The following EXOC4 variants were observed in gnomAD, a reference collection of about 807,000 sequenced individuals.
EXOC4 encodes the protein exocyst complex component 4, also known as SEC8-like 1.
In EXOC4, 71 loss-of-function variants were observed where a neutral mutation model predicts 107.2. The ratio of observed to expected loss-of-function variants is 0.66; its 90% CI spans 0.55 to 0.81. The LOEUF (loss-of-function observed/expected upper bound fraction) is 0.81, where lower values mean the gene tolerates loss of function less well. Among genes scored for constraint, EXOC4 ranks in the 30% least tolerant of loss-of-function variants. The pLI is 0.00. For synonymous variants in EXOC4, 456 were observed against 441.2 expected, an observed-to-expected ratio of 1.03 and a Z score of -0.42; for missense variants, 1,108 against 1,189.6, an observed-to-expected ratio of 0.93 and a Z score of 1.01.
chr7:133,864,792 G>C (rs193187605), intron 11 of EXOC4, among the ~76,000 whole-genome samples: 34 of 152,272 alleles, frequency 2.2e-4, no homozygotes, highest in Middle Eastern at 6.8e-3. Context: ...GTGAAAAAAT[G>C]CAGTAGTGAG....
At chr7:133,924,017 G>A (rs1469064759) in intron 13 of EXOC4, among the ~76,000 whole-genome samples, 3 of 151,844 alleles carry the variant, frequency 2.0e-5, no homozygotes, top group African/African-American at 7.3e-5. Flanking sequence ...ATCAAGACAG[G>A]TAAAGAATGA....
chr7:133,348,844 G>A (rs1019960590), intron 5 of EXOC4, among the ~76,000 whole-genome samples: 5 of 152,082 alleles, frequency 3.3e-5, no homozygotes, highest in African/African-American at 7.2e-5. Flanking sequence ...TCAGAGTTGC[G>A]TTGTCATCTT....
chr7:133,985,595 T>C (rs1794095547), intron 14 of EXOC4, among the ~76,000 whole-genome samples: 1 of 152,190 alleles, frequency 6.6e-6, no homozygotes, highest in Admixed American at 6.5e-5. Context: ...ATATGTAATA[T>C]TTGTCTTTCT....
chr7:134,021,507 GCTGT>G (rs1795027234), intron 17 of EXOC4, among the ~76,000 whole-genome samples: 1 of 151,906 alleles, frequency 6.6e-6, no homozygotes, highest in Non-Finnish European at 1.5e-5. Context: ...CATCTCCATT[GCTGT>G]GCTGTAGTTT....
intron 10 of EXOC4, among the ~76,000 whole-genome samples, chr7:133,722,421 A>C (rs1052833450): frequency 1.3e-5 from 2 of 152,242 alleles, no homozygotes; most frequent in African/African-American, 4.8e-5. Flanking sequence ...TTTAGAAATC[A>C]AGATTCTACA....
At chr7:133,648,122 G>C (rs1803039511) in intron 10 of EXOC4, among the ~76,000 whole-genome samples, 1 of 152,104 alleles carries the variant, frequency 6.6e-6, no homozygotes, top group Admixed American at 6.5e-5. Flanking sequence ...ATTTACCCAA[G>C]GTAAATTTTC....
intron 10 of EXOC4, among the ~76,000 whole-genome samples, chr7:133,810,393 A>C (rs1377074003): frequency 6.6e-6 from 1 of 152,156 alleles, no homozygotes; most frequent in East Asian, 1.9e-4. Flanking sequence ...TAAAATTTTG[A>C]AAATATTGGG....
At chr7:133,340,986 AT>A (rs1172723909) in intron 5 of EXOC4, among the ~76,000 whole-genome samples, 1 of 151,462 alleles carries the variant, frequency 6.6e-6, no homozygotes, top group Admixed American at 6.6e-5. Context: ...TGTTTTATTA[AT>A]TTTTTTGTAT....
At chr7:133,325,152 G>A (rs2150593435) in intron 5 of EXOC4, among the ~76,000 whole-genome samples, 1 of 152,308 alleles carries the variant, frequency 6.6e-6, no homozygotes, top group African/African-American at 2.4e-5. Flanking sequence ...GATGGGTCTT[G>A]ACTCTTCATC....
intron 10 of EXOC4, among the ~76,000 whole-genome samples, chr7:133,702,559 C>T (rs1223354162): frequency 2.0e-5 from 3 of 150,594 alleles, no homozygotes; most frequent in Non-Finnish European, 4.4e-5. Context: ...CTCCTGGGTT[C>T]AGATGATCCT....
intron 9 of EXOC4, among the ~76,000 whole-genome samples, chr7:133,607,822 C>G (rs1347981070): frequency 1.3e-5 from 2 of 152,038 alleles, no homozygotes; most frequent in Non-Finnish European, 2.9e-5. Flanking sequence ...TAAAATGGAC[C>G]ATTGCATAAA....
chr7:133,763,648 G>A lies in EXOC4; in HGVS notation c.1515-53677G>A, dbSNP rs538454203. Among the ~76,000 whole-genome samples the A allele has an allele frequency of 2.0e-5, 3 of 150,910 alleles. No individual in the cohort carries two copies. In the South Asian group the frequency reaches 6.3e-4, roughly 32 times the overall value. On this transcript the variant is annotated intron_variant, in intron 10 of 17. Transcript: ENST00000253861. ...TTGTTACTGTCATATAGGATTGCTTGCATTTTTAATCTTTTTCAAAAAAGA... is the reference window on the plus strand; with the variant it reads ...TTGTTACTGTCATATAGGATTGCTTACATTTTTAATCTTTTTCAAAAAAGA...
chr7:133,706,419 A>G (rs1380023884), intron 10 of EXOC4, among the ~76,000 whole-genome samples: 1 of 152,230 alleles, frequency 6.6e-6, no homozygotes, highest in Non-Finnish European at 1.5e-5. Context: ...ACACACATAC[A>G]TGGAAACTCA....
At chr7:133,687,074 A>G (rs1351085776) in intron 10 of EXOC4, among the ~76,000 whole-genome samples, 1 of 151,820 alleles carries the variant, frequency 6.6e-6, no homozygotes, top group Non-Finnish European at 1.5e-5. Flanking sequence ...ACTCAGCCAT[A>G]AAAAGGAACG....
chr7:134,044,664 C>T (rs1795602709), intron 17 of EXOC4, among the ~76,000 whole-genome samples: 1 of 152,170 alleles, frequency 6.6e-6, no homozygotes, highest in Admixed American at 6.5e-5. Context: ...TCTCCTCCTT[C>T]GCTTTAATGT....
chr7:133,612,741 A>G (rs1163063192), intron 9 of EXOC4, among the ~76,000 whole-genome samples: 1 of 152,116 alleles, frequency 6.6e-6, no homozygotes, highest in Non-Finnish European at 1.5e-5. Flanking sequence ...GGGTGGTGAG[A>G]GGTACTGGGA....
chr7:134,035,620 C>T (rs1242048625), intron 17 of EXOC4, among the ~76,000 whole-genome samples: 2 of 151,424 alleles, frequency 1.3e-5, no homozygotes, highest in African/African-American at 4.9e-5. Context: ...TGACTTTAAA[C>T]TTTTTTTTTC....
intron 12 of EXOC4, among the ~76,000 whole-genome samples, chr7:133,902,870 A>AC (rs1033928865): frequency 9.7e-4 from 147 of 151,946 alleles, no homozygotes; most frequent in African/African-American, 2.2e-3. Context: ...ACAAAACAAA[A>AC]AAAAAAAGAA....
chr7:133,772,902 C>T (rs889400521), intron 10 of EXOC4, among the ~76,000 whole-genome samples: 6 of 151,988 alleles, frequency 3.9e-5, no homozygotes, highest in African/African-American at 1.4e-4. Flanking sequence ...TGGGCTAAGC[C>T]CTGGATGTTT....
Sources: gnomAD v4.1 joint callset for allele counts (sites outside exome capture counted in the v4.1 genomes callset) on GRCh38, gnomAD v4.1.1 for gene constraint, MANE v1.5 for transcripts, NCBI Gene and HGNC (gene_info 2026-07-23, HGNC 2026-07-21) for gene names.